The following CORO7 variants were observed in gnomAD, a reference collection of about 807,000 sequenced individuals.
CORO7 encodes the protein coronin-7.
CORO7 carries 107 observed loss-of-function variants against 126.6 expected under a neutral mutation model. The ratio of observed to expected loss-of-function variants is 0.85; its 90% CI spans 0.72 to 0.99. CORO7 has a LOEUF of 0.99. Among genes scored for constraint, CORO7 ranks in the 50% least tolerant of loss-of-function variants. CORO7 has a pLI of 0.00. For missense variants in CORO7, 1,314 were observed against 1,255.8 expected, an observed-to-expected ratio of 1.05 and a Z score of -0.70; for synonymous variants, 603 against 536.8, an observed-to-expected ratio of 1.12 and a Z score of -1.70.
At chr16:4,383,895 G>T (rs1173096625) in intron 9 of CORO7, among the ~76,000 whole-genome samples, 1 of 152,224 alleles carries the variant, frequency 6.6e-6, no homozygotes, top group East Asian at 1.9e-4. Flanking sequence ...CCAGGGACAG[G>T]GCCCTGGGCT....
chr16:4,358,232 A>T, intron 24 of CORO7, 129 bp from the exon 25 acceptor site: 1 of 1,531,654 alleles, frequency 6.5e-7, no homozygotes, highest in Non-Finnish European at 8.8e-7. Context: ...GAGTTTCAGC[A>T]TCTCAGCAGA....
intron 9 of CORO7, chr16:4,382,832 A>G (rs1271769776): frequency 1.3e-6 from 2 of 1,598,928 alleles, no homozygotes; most frequent in Non-Finnish European, 1.7e-6. Context: ...TCTGAGTGTG[A>G]GGTGCCACTC....
intron 9 of CORO7, among the ~76,000 whole-genome samples, chr16:4,369,395 G>C (rs2054448061): frequency 6.6e-6 from 1 of 152,246 alleles, no homozygotes; most frequent in Non-Finnish European, 1.5e-5. Flanking sequence ...GGTGGTAAGA[G>C]GTATTGCCGG....
At position 4,355,159 on chromosome 16, in the gene CORO7, T is replaced by C; in HGVS notation, c.2777A>G (p.Ter926TrpextTer148). 5 of 1,525,412 alleles carry C rather than the reference T, an allele frequency of 3.3e-6. No individual in the cohort carries two copies. The highest frequency in any genetic ancestry group is 4.4e-6 in the Non-Finnish European group (5 of 1,132,134). The allele number at this position is 1,525,412 out of a possible 1,614,324, so 94.5% of individuals were successfully genotyped here. A position where few individuals can be genotyped will look rare whatever the true frequency, so the allele number is the denominator to read the frequency against. Residue 926 changes from the stop codon to tryptophan (W), a stop_lost, in exon 28 of 28, where the codon TAG becomes TGG. Coordinates refer to ENST00000251166, the MANE Select transcript of CORO7 (RefSeq NM_024535.5). ...FEGVDEDEWD* is the reference protein window; with the variant it reads ...FEGVDEDEWDW Reference sequence around the variant, plus strand: ...AGGTGGAGGTGACGGGGGCGCAGGCTAGTCCTGGGGCGAAACACCAAGAGG... The same window carrying C: ...AGGTGGAGGTGACGGGGGCGCAGGCCAGTCCTGGGGCGAAACACCAAGAGG...
intron 9 of CORO7, chr16:4,372,007 G>C (rs1002103529): frequency 1.3e-5 from 2 of 152,280 alleles, no homozygotes; most frequent in African/African-American, 4.8e-5. Context: ...AGTTTCTGTG[G>C]GGCTGGGGGG....
At chr16:4,358,988 G>T in intron 23 of CORO7, 2 of 449,602 alleles carry the variant, frequency 4.4e-6, no homozygotes, top group Non-Finnish European at 7.9e-6. Flanking sequence ...TGTTGCCCAG[G>T]CTGGTCTTGA....
intron 26 of CORO7, 101 bp from the exon 27 acceptor site, chr16:4,355,473 T>A: frequency 7.5e-7 from 1 of 1,334,354 alleles, no homozygotes; most frequent in Non-Finnish European, 1.0e-6. Flanking sequence ...AAGAACTTTT[T>A]TTTTTTTTTT....
chr16:4,361,816 G>T (rs1194291859), intron 16 of CORO7, 169 bp downstream of exon 16: 3 of 1,095,954 alleles, frequency 2.7e-6, no homozygotes, highest in Non-Finnish European at 4.0e-6. Context: ...GTAAAATGGG[G>T]ATAAAAGTGG....
At chr16:4,357,008 G>C (rs892516943) in intron 26 of CORO7, 160 bp downstream of exon 26, 8 of 1,008,646 alleles carry the variant, frequency 7.9e-6, no homozygotes, top group African/African-American at 1.6e-5. Flanking sequence ...CATGGTCAGT[G>C]GTAGGGCTCT....
chr16:4,404,245 C>A (rs2055915321), intron 6 of CORO7, among the ~76,000 whole-genome samples: 1 of 152,226 alleles, frequency 6.6e-6, no homozygotes, highest in Non-Finnish European at 1.5e-5. Context: ...AGCCATTCTT[C>A]ATGTGTCTTC....
At position 4,355,446 on chromosome 16, in the gene CORO7, C is replaced by A. The variant is rs1433544432; in HGVS notation, c.2686-74G>T. On this transcript the variant is annotated intron_variant, in intron 26 of 27. Coordinates refer to ENST00000251166, the MANE Select transcript of CORO7 (RefSeq NM_024535.5). Reference sequence around the variant, plus strand: ...TTCCCTCTCCCACTCCAAGAACAACCCTGACAAGGCTGTGAAAAGAACTTT... The same window carrying A: ...TTCCCTCTCCCACTCCAAGAACAACACTGACAAGGCTGTGAAAAGAACTTT... The A allele has an allele frequency of 4.0e-6, 6 of 1,483,326 alleles. No homozygotes were observed. In the East Asian group the frequency reaches 1.2e-4, roughly 29 times the overall value. The allele number at this position is 1,483,326 out of a possible 1,614,324, so 91.9% of individuals were successfully genotyped here. A position where few individuals can be genotyped will look rare whatever the true frequency, so the allele number is the denominator to read the frequency against.
intron 9 of CORO7, chr16:4,381,449 C>T (rs764104051): frequency 6.3e-6 from 10 of 1,580,584 alleles, no homozygotes; most frequent in Admixed American, 5.4e-5. Flanking sequence ...ATCCTGGACA[C>T]TGCCAACGTG....
chr16:4,388,808 C>A (rs1221441515), intron 7 of CORO7, among the ~76,000 whole-genome samples, 177 bp from the exon 8 acceptor site: 1 of 152,138 alleles, frequency 6.6e-6, no homozygotes, highest in African/African-American at 2.4e-5. Context: ...GTCTCCGAAG[C>A]ACCCCGGGGA....
rs562196764 is a variant in CORO7 at position 4,366,697 on chromosome 16, T to G, written c.786-1152A>C. ...CTGGGACTACAGGTGTGCACCACCA[T>G]GGCTGGCTATTTTTACTTCTATTTT... On this transcript the variant is annotated intron_variant, in intron 9 of 27. Transcript: ENST00000251166. Among the ~76,000 whole-genome samples the G allele has an allele frequency of 2.8e-4, 42 of 152,176 alleles. No homozygotes were observed. The South Asian group carries it at 8.7e-3, about 32-fold the overall frequency.
intron 9 of CORO7, chr16:4,381,410 A>G (rs1375981630): frequency 6.3e-7 from 1 of 1,586,058 alleles, no homozygotes. Flanking sequence ...GACCTCAGCC[A>G]CAACAGCCTC....
chr16:4,355,129 A>T lies in CORO7; in HGVS notation c.*29T>A, dbSNP rs1472915499. The T allele has an allele frequency of 6.7e-7, 1 of 1,490,556 alleles. No individual in the cohort carries two copies. Among genetic ancestry groups the T allele is most frequent in the Admixed American group, 2.3e-5 (1 of 43,252 alleles). 92.3% of individuals were successfully genotyped at this position (1,490,556 alleles called of 1,614,324 possible). On this transcript the variant is annotated 3_prime_UTR_variant, in exon 28 of 28. Coordinates refer to ENST00000251166, the MANE Select transcript of CORO7 (RefSeq NM_024535.5). ...GGTGTGCACTAGGAAGTGGCAGCACAGGTGAGGTGGAGGTGACGGGGGCGC... is the reference window on the plus strand; with the variant it reads ...GGTGTGCACTAGGAAGTGGCAGCACTGGTGAGGTGGAGGTGACGGGGGCGC...
chr16:4,394,231 G>A (rs1183315062), intron 7 of CORO7, among the ~76,000 whole-genome samples: 2 of 152,038 alleles, frequency 1.3e-5, no homozygotes, highest in Non-Finnish European at 2.9e-5. Flanking sequence ...GGATCACGAG[G>A]TCAGGAGATC....
intron 1 of CORO7, 186 bp from the exon 2 acceptor site, chr16:4,413,590 T>A (rs1323543221): frequency 3.8e-6 from 2 of 529,176 alleles, no homozygotes; most frequent in African/African-American, 2.0e-5. Flanking sequence ...CAGGCTAGAG[T>A]GCAGTGGCGC....
chr16:4,363,956 T>C (rs930095204), intron 14 of CORO7, among the ~76,000 whole-genome samples: 5 of 151,312 alleles, frequency 3.3e-5, no homozygotes, highest in African/African-American at 7.3e-5. Context: ...GAGGCGGAGA[T>C]TGCAGTGAGC....
Sources: gnomAD v4.1 joint callset for allele counts (sites outside exome capture counted in the v4.1 genomes callset) on GRCh38, gnomAD v4.1.1 for gene constraint, MANE v1.5 for transcripts, NCBI Gene and HGNC (gene_info 2026-07-23, HGNC 2026-07-21) for gene names.